MYO19: variants seen among roughly 807,000 people sequenced by gnomAD.
The protein encoded by MYO19 is unconventional myosin-XIX.
Under a neutral mutation model 129.2 loss-of-function variants are expected in MYO19, and 132 were observed. The ratio of observed to expected loss-of-function variants is 1.02; its 90% confidence interval spans 0.89 to 1.18. MYO19 has a LOEUF of 1.18. Among genes scored for constraint, MYO19 ranks in the 50% most tolerant of loss-of-function variants. The pLI is 0.00. For synonymous variants in MYO19, 531 were observed against 477.2 expected, an observed-to-expected ratio of 1.11 and a Z score of -1.47; for missense variants, 1,210 against 1,216.7, an observed-to-expected ratio of 0.99 and a Z score of 0.08.
intron 5 of MYO19, 105 bp downstream of exon 5, chr17:36,527,446 T>C: frequency 1.1e-5 from 15 of 1,330,176 alleles, no homozygotes; most frequent in Non-Finnish European, 1.5e-5. Context: ...AGACTCTGAA[T>C]GACCACATTG....
intron 21 of MYO19, 184 bp downstream of exon 21, chr17:36,502,913 A>T: frequency 1.6e-6 from 1 of 617,864 alleles, no homozygotes; most frequent in South Asian, 1.9e-5. Flanking sequence ...CATCCTGCTC[A>T]TAGCTCTGCT....
At chr17:36,526,780 G>A (rs544213745) in intron 5 of MYO19, among the ~76,000 whole-genome samples, 3 of 152,160 alleles carry the variant, frequency 2.0e-5, no homozygotes, top group Admixed American at 2.0e-4. Flanking sequence ...CCAGCTACTC[G>A]GGAGGCTGAG....
intron 18 of MYO19, 95 bp from the exon 19 acceptor site, chr17:36,505,499 G>A (rs1027028150): frequency 3.4e-5 from 29 of 844,132 alleles, no homozygotes; most frequent in Non-Finnish European, 4.8e-5. Flanking sequence ...TGCCTCCAGC[G>A]GGCCCTTCCA....
chr17:36,500,797 T>C, intron 23 of MYO19, 33 bp downstream of exon 23: 1 of 1,580,640 alleles, frequency 6.3e-7, no homozygotes, highest in East Asian at 2.3e-5. Flanking sequence ...GTGGGGTCTG[T>C]GAGCAGTGCT....
upstream of MYO19, among the ~76,000 whole-genome samples, chr17:36,544,411 G>A (rs1046804544): frequency 6.6e-6 from 1 of 152,160 alleles, no homozygotes; most frequent in Non-Finnish European, 1.5e-5. Flanking sequence ...AGGGCCAAGA[G>A]CCAGACCTGA....
intron 18 of MYO19, among the ~76,000 whole-genome samples, chr17:36,506,095 G>T (rs141803688): frequency 2.6e-5 from 4 of 152,272 alleles, no homozygotes; most frequent in African/African-American, 4.8e-5. Flanking sequence ...GAAAGCAGAC[G>T]ATGTGAGAGA....
intron 6 of MYO19, among the ~76,000 whole-genome samples, chr17:36,516,658 C>T (rs548055701): frequency 6.6e-6 from 1 of 152,334 alleles, no homozygotes; most frequent in South Asian, 2.1e-4. Context: ...TGAGCCACCG[C>T]ACCTGGCCCC....
intron 6 of MYO19, among the ~76,000 whole-genome samples, chr17:36,523,605 T>C (rs906747128): frequency 6.6e-6 from 1 of 152,222 alleles, no homozygotes; most frequent in African/African-American, 2.4e-5. Flanking sequence ...ATAAAAATTA[T>C]GCAAGAATAT....
intron 15 of MYO19, 119 bp from the exon 16 acceptor site, chr17:36,507,631 G>A: frequency 1.5e-6 from 2 of 1,326,024 alleles, no homozygotes; most frequent in Non-Finnish European, 2.1e-6. Flanking sequence ...AGAAACAAAA[G>A]TATATCAAAA....
chr17:36,508,769 C>A, intron 14 of MYO19: 1 of 439,058 alleles, frequency 2.3e-6, no homozygotes, highest in South Asian at 3.3e-5. Context: ...CCCCAACCCC[C>A]ACTACTCTCC....
At chr17:36,496,968 G>T in intron 25 of MYO19, among the ~76,000 whole-genome samples, 1 of 152,104 alleles carries the variant, frequency 6.6e-6, no homozygotes, top group Admixed American at 6.5e-5. Context: ...CTGGCTTACT[G>T]GGGTGACTCA....
chr17:36,511,062 A>G, intron 12 of MYO19, 145 bp from the exon 13 acceptor site: 2 of 969,034 alleles, frequency 2.1e-6, no homozygotes, highest in Non-Finnish European at 3.0e-6. Context: ...ACTCACCCAA[A>G]GGACTCCATA....
At position 36,515,152 on chromosome 17, in the gene MYO19, CTGT is replaced by C. The variant is rs773999687; in HGVS notation, c.575_577del (p.Asn192del). 52 of 1,612,602 alleles carry C rather than the reference CTGT, an allele frequency of 3.2e-5. No homozygotes were observed. The highest frequency in any genetic ancestry group is 4.2e-5 in the Non-Finnish European group (50 of 1,179,418). ...CTGGATGAACTTCCCAAAGCGACTGCTGTTGTTATTCCTCAGTGTACACGCATT... is the reference window on the plus strand; with the variant it reads ...CTGGATGAACTTCCCAAAGCGACTGCTGTTATTCCTCAGTGTACACGCATT... On this transcript the variant is annotated inframe_deletion, in exon 8 of 26. Coordinates refer to ENST00000614623, the MANE Select transcript of MYO19 (RefSeq NM_001163735.2).
intron 2 of MYO19, among the ~76,000 whole-genome samples, chr17:36,541,375 A>G (rs548715086): frequency 1.3e-5 from 2 of 152,374 alleles, no homozygotes; most frequent in African/African-American, 4.8e-5. Context: ...TATAAATCAT[A>G]CAAGAACCTT....
At chr17:36,533,872 C>T (rs79839327) in intron 2 of MYO19, 81 bp downstream of exon 2, 10,692 of 152,304 alleles carry the variant, frequency 0.07, 627 homozygotes, top group African/African-American at 0.16. Context: ...AACTAAGCCT[C>T]ACTCTGTTTC....
At chr17:36,537,277 C>A (rs746833763), upstream of MYO19, 3 of 1,613,914 alleles carry the variant, frequency 1.9e-6, no homozygotes, top group South Asian at 3.3e-5. Flanking sequence ...AGATTCCTCA[C>A]TGACTTTGTT....
chr17:36,514,135 T>C lies in MYO19; in HGVS notation c.720+311A>G, dbSNP rs1450356856. Among the ~76,000 whole-genome samples the C allele has an allele frequency of 2.6e-5, 4 of 152,104 alleles. No individual in the cohort carries two copies. In the South Asian group the frequency reaches 6.2e-4, roughly 24 times the overall value. ...AAGCCCTTGTTCTGTTAGCGACAGATGCCATTCTAGGAGAGCCCTTAAAAT... is the reference window on the plus strand; with the variant it reads ...AAGCCCTTGTTCTGTTAGCGACAGACGCCATTCTAGGAGAGCCCTTAAAAT... On this transcript the variant is annotated intron_variant, in intron 9 of 25. Transcript: ENST00000614623.
Position 36,515,793 on chromosome 17 carries a change from C to T in MYO19, c.547+65G>A, listed in dbSNP as rs1599332638. 8 of 1,553,208 alleles carry T rather than the reference C, an allele frequency of 5.2e-6. No individual in the cohort carries two copies. In the East Asian group the frequency reaches 1.1e-4, roughly 22 times the overall value. ...AGGGTCTCAAAGCACTGTCCCTCTC[C>T]CTGGAAGGTGGAAAATCCCAGAGGA... On this transcript the variant is annotated intron_variant, in intron 7 of 25. Coordinates refer to ENST00000614623, the MANE Select transcript of MYO19 (RefSeq NM_001163735.2).
intron 18 of MYO19, 113 bp downstream of exon 18, chr17:36,506,343 T>C: frequency 3.0e-6 from 4 of 1,344,810 alleles, no homozygotes; most frequent in Non-Finnish European, 4.2e-6. Flanking sequence ...CCACATCTAC[T>C]TGACTTGCCA....
Sources: allele counts gnomAD v4.1 joint callset (sites outside exome capture counted in the v4.1 genomes callset), GRCh38; gene constraint gnomAD v4.1.1; transcripts MANE v1.5; gene names NCBI Gene and HGNC (gene_info 2026-07-23, HGNC 2026-07-21).